The following FABP12 variants were observed in gnomAD, a reference collection of about 807,000 sequenced individuals.
The protein encoded by FABP12 is fatty acid binding protein 12, also known as fatty acid-binding protein 12.
In FABP12, 19 loss-of-function variants were observed where a neutral mutation model predicts 13.7. The observed-to-expected ratio is 1.39, with a 90% confidence interval of 0.97 to 2.04. FABP12 has a LOEUF of 2.04. FABP12 is among the 30% of genes most tolerant of loss of function. The probability of loss-of-function intolerance (pLI) is 0.00; values close to 1 mark genes in which losing one functional copy is unlikely to be tolerated. For missense variants in FABP12, 182 were observed against 164.2 expected, an observed-to-expected ratio of 1.11 and a Z score of -0.59; for synonymous variants, 61 against 57.0, an observed-to-expected ratio of 1.07 and a Z score of -0.32.
At chr8:81,538,626 G>A (rs543125485), upstream of FABP12, among the ~76,000 whole-genome samples, 4 of 152,224 alleles carry the variant, frequency 2.6e-5, no homozygotes, top group Non-Finnish European at 2.9e-5. Context: ...GAAGCCAGAA[G>A]AGAGGCATGA....
chr8:81,551,703 T>C (rs1019389129), intron 1 of FABP12, among the ~76,000 whole-genome samples: 6 of 152,130 alleles, frequency 3.9e-5, no homozygotes, highest in African/African-American at 4.8e-5. Flanking sequence ...GTATCTGGAA[T>C]GCTGAGAAAA....
At chr8:81,575,354 G>T (rs1357661897) in intron 1 of FABP12, among the ~76,000 whole-genome samples, 2 of 152,118 alleles carry the variant, frequency 1.3e-5, no homozygotes, top group African/African-American at 4.8e-5. Context: ...AATTGATTGA[G>T]GCTCGTTTTA....
intron 1 of FABP12, among the ~76,000 whole-genome samples, chr8:81,571,255 G>T (rs1207583231): frequency 1.3e-5 from 2 of 152,236 alleles, no homozygotes; most frequent in African/African-American, 4.8e-5. Context: ...GCCTGCAAGG[G>T]CAAGTGGGGG....
intron 1 of FABP12, among the ~76,000 whole-genome samples, chr8:81,566,755 A>G (rs1381565687): frequency 1.3e-5 from 2 of 152,206 alleles, no homozygotes; most frequent in Admixed American, 6.5e-5. Context: ...GAAAGTGACA[A>G]GGATACCCAC....
chr8:81,561,650 G>A (rs569474928), intron 1 of FABP12, among the ~76,000 whole-genome samples: 6 of 152,272 alleles, frequency 3.9e-5, no homozygotes, highest in East Asian at 1.9e-4. Context: ...AGGAGGGCAC[G>A]GTGATTGTGG....
At chr8:81,548,162 T>A (rs1004716025) in intron 1 of FABP12, among the ~76,000 whole-genome samples, 61 of 152,268 alleles carry the variant, frequency 4.0e-4, no homozygotes, top group African/African-American at 1.4e-3. Context: ...GTGCCCAATG[T>A]CCACCCCTGG....
intron 1 of FABP12, among the ~76,000 whole-genome samples, chr8:81,542,943 A>G (rs1169705722): frequency 6.6e-6 from 1 of 152,272 alleles, no homozygotes; most frequent in East Asian, 1.9e-4. Context: ...ACCTGACAAC[A>G]TTGGCCCCTT....
intron 1 of FABP12, among the ~76,000 whole-genome samples, chr8:81,570,588 G>A (rs1809912370): frequency 6.6e-6 from 1 of 152,066 alleles, no homozygotes; most frequent in Non-Finnish European, 1.5e-5. Context: ...AGCAGAGAGG[G>A]TACCTCTCTG....
chr8:81,527,835 T>C (rs1808947964), intron 3 of FABP12, among the ~76,000 whole-genome samples: 1 of 152,114 alleles, frequency 6.6e-6, no homozygotes, highest in Non-Finnish European at 1.5e-5. Flanking sequence ...GGCACATGCC[T>C]ATAGTCCCAG....
At chr8:81,564,986 A>G (rs563701905) in intron 1 of FABP12, among the ~76,000 whole-genome samples, 154 of 152,128 alleles carry the variant, frequency 1.0e-3, no homozygotes, top group African/African-American at 3.7e-3. Flanking sequence ...ATAAAGGGAT[A>G]TAAAAAAACA....
intron 1 of FABP12, among the ~76,000 whole-genome samples, chr8:81,558,568 C>A (rs1157970682): frequency 6.6e-6 from 1 of 152,118 alleles, no homozygotes; most frequent in Non-Finnish European, 1.5e-5. Flanking sequence ...GGTCACATAG[C>A]CGAGATACTC....
intron 1 of FABP12, among the ~76,000 whole-genome samples, chr8:81,566,383 A>C (rs1369506909): frequency 6.6e-6 from 1 of 152,144 alleles, no homozygotes; most frequent in Non-Finnish European, 1.5e-5. Context: ...ACTACAAGCC[A>C]ATATCTGTGA....
At chr8:81,552,457 T>A (rs1389720760) in intron 1 of FABP12, among the ~76,000 whole-genome samples, 1 of 151,806 alleles carries the variant, frequency 6.6e-6, no homozygotes, top group Non-Finnish European at 1.5e-5. Flanking sequence ...CACTGGGGAG[T>A]GATTTGATCA....
intron 1 of FABP12, among the ~76,000 whole-genome samples, chr8:81,558,140 G>A (rs891536253): frequency 1.3e-5 from 2 of 152,202 alleles, no homozygotes; most frequent in African/African-American, 2.4e-5. Context: ...TCTACTGCGT[G>A]CTCTGAAAGG....
chr8:81,562,504 G>A (rs1232679089), intron 1 of FABP12, among the ~76,000 whole-genome samples: 1 of 152,184 alleles, frequency 6.6e-6, no homozygotes, highest in African/African-American at 2.4e-5. Flanking sequence ...GCTCTTGGAT[G>A]TCATTTCTGG....
chr8:81,576,981 T>G (rs916521038), intron 1 of FABP12, among the ~76,000 whole-genome samples: 1 of 152,218 alleles, frequency 6.6e-6, no homozygotes, highest in African/African-American at 2.4e-5. Context: ...ATATACCACC[T>G]CAATAGAACC....
intron 1 of FABP12, among the ~76,000 whole-genome samples, chr8:81,558,166 G>A (rs1469569163): frequency 6.6e-6 from 1 of 152,198 alleles, no homozygotes; most frequent in Non-Finnish European, 1.5e-5. Flanking sequence ...GAATGCTAGG[G>A]TTTTTTCCCT....
chr8:81,548,915 T>C (rs1809480331), intron 1 of FABP12, among the ~76,000 whole-genome samples: 1 of 152,190 alleles, frequency 6.6e-6, no homozygotes. Flanking sequence ...AATATTATTC[T>C]GAATGTTTCT....
chr8:81,578,952 C>A (rs968543486), intron 1 of FABP12, among the ~76,000 whole-genome samples: 1 of 151,084 alleles, frequency 6.6e-6, no homozygotes, highest in Non-Finnish European at 1.5e-5. Context: ...CCTCAGCCTC[C>A]GGAGTAGCTG....
Sources: allele counts gnomAD v4.1 joint callset (sites outside exome capture counted in the v4.1 genomes callset), GRCh38; gene constraint gnomAD v4.1.1; transcripts MANE v1.5; gene names NCBI Gene and HGNC (gene_info 2026-07-23, HGNC 2026-07-21).